Variants in SEMA3A observed in about 807,000 individuals in gnomAD.
The protein encoded by SEMA3A is semaphorin 3A, also known as semaphorin-3A.
In SEMA3A, 29 loss-of-function variants were observed where a neutral mutation model predicts 97.9. The ratio of observed to expected loss-of-function variants is 0.30; its 90% CI spans 0.22 to 0.40. The LOEUF (loss-of-function observed/expected upper bound fraction) is 0.40. SEMA3A is among the 10% of genes least tolerant of loss of function. The probability of loss-of-function intolerance (pLI) is 1.00; values close to 1 mark genes in which losing one functional copy is unlikely to be tolerated. For synonymous variants in SEMA3A, 321 were observed against 323.7 expected, an observed-to-expected ratio of 0.99 and a Z score of 0.09; for missense variants, 763 against 951.3, an observed-to-expected ratio of 0.80 and a Z score of 2.60.
intron 2 of SEMA3A, among the ~76,000 whole-genome samples, chr7:84,321,897 AAAG>A (rs1453146442): frequency 0.14 from 11,098 of 81,730 alleles, 1,354 homozygotes; most frequent in African/African-American, 0.21. Flanking sequence ...AAAAAAAAAA[AAAG>A]AAGAAGAAGA....
chr7:84,181,263 C>T (rs997248032), intron 1 of SEMA3A, among the ~76,000 whole-genome samples: 5 of 149,696 alleles, frequency 3.3e-5, no homozygotes, highest in African/African-American at 1.2e-4. Context: ...ATATCTATTT[C>T]CTTTTCAAGG....
At chr7:84,459,484 T>C (rs1805769127) in intron 1 of SEMA3A, among the ~76,000 whole-genome samples, 1 of 152,156 alleles carries the variant, frequency 6.6e-6, no homozygotes, top group Non-Finnish European at 1.5e-5. Flanking sequence ...TTGTAGCAGG[T>C]AAACAGTAAA....
chr7:83,985,168 A>T (rs1789574595), intron 13 of SEMA3A, among the ~76,000 whole-genome samples: 1 of 152,136 alleles, frequency 6.6e-6, no homozygotes, highest in South Asian at 2.1e-4. Flanking sequence ...AAATGACCAA[A>T]ATACACTGTA....
At chr7:84,467,189 A>G (rs748479202) in intron 1 of SEMA3A, among the ~76,000 whole-genome samples, 6 of 152,006 alleles carry the variant, frequency 3.9e-5, no homozygotes, top group Non-Finnish European at 7.4e-5. Flanking sequence ...AATTAAATAT[A>G]TTTTCCTAAG....
chr7:84,346,971 C>T (rs535136080), intron 2 of SEMA3A, among the ~76,000 whole-genome samples: 44 of 152,262 alleles, frequency 2.9e-4, no homozygotes, highest in African/African-American at 1.1e-3. Context: ...ACCATCATTA[C>T]TCATGAGAGA....
upstream of SEMA3A, among the ~76,000 whole-genome samples, chr7:84,196,772 A>C (rs1052921996): frequency 7.2e-5 from 11 of 152,132 alleles, no homozygotes; most frequent in African/African-American, 2.7e-4. Flanking sequence ...GGATTGGACT[A>C]ATGAATTATC....
intron 1 of SEMA3A, among the ~76,000 whole-genome samples, chr7:84,443,146 C>T (rs1005307528): frequency 1.3e-5 from 2 of 152,034 alleles, no homozygotes; most frequent in Non-Finnish European, 2.9e-5. Context: ...ACACGCTATT[C>T]AACACTATCC....
chr7:84,101,074 C>T (rs1296268142), intron 4 of SEMA3A, among the ~76,000 whole-genome samples: 1 of 152,140 alleles, frequency 6.6e-6, no homozygotes, highest in Non-Finnish European at 1.5e-5. Flanking sequence ...ACTGCTTCCC[C>T]ATGGAACCCT....
chr7:84,009,841 G>A (rs1168226273), intron 9 of SEMA3A, among the ~76,000 whole-genome samples: 3 of 138,270 alleles, frequency 2.2e-5, no homozygotes, highest in African/African-American at 8.1e-5. Context: ...CGTGGAGAAA[G>A]AGCAGGAAAA....
chr7:84,212,027 A>AAATATGG (rs1190241052), intron 3 of SEMA3A, among the ~76,000 whole-genome samples: 1 of 152,220 alleles, frequency 6.6e-6, no homozygotes, highest in Non-Finnish European at 1.5e-5. Context: ...ACAGTCAGCC[A>AAATATGG]AATATGGAAG....
intron 5 of SEMA3A, among the ~76,000 whole-genome samples, chr7:84,051,235 A>T (rs1487682431): frequency 1.3e-5 from 2 of 151,654 alleles, no homozygotes; most frequent in Non-Finnish European, 2.9e-5. Flanking sequence ...AGTTTTTTCC[A>T]ATTCTGTGAA....
intron 3 of SEMA3A, among the ~76,000 whole-genome samples, chr7:84,220,338 C>G (rs531190456): frequency 3.3e-5 from 5 of 152,124 alleles, no homozygotes; most frequent in Non-Finnish European, 5.9e-5. Context: ...CCACTGAAGT[C>G]TTAAAATCCT....
intron 3 of SEMA3A, among the ~76,000 whole-genome samples, chr7:84,285,833 G>A (rs940967132): frequency 3.3e-5 from 5 of 151,900 alleles, no homozygotes; most frequent in African/African-American, 1.2e-4. Context: ...CAGCTACTGG[G>A]GAGGCTGAGG....
At chr7:84,111,360 G>A (rs1278614132) in intron 3 of SEMA3A, among the ~76,000 whole-genome samples, 3 of 152,148 alleles carry the variant, frequency 2.0e-5, no homozygotes, top group African/African-American at 7.2e-5. Context: ...CTTTTCAAGT[G>A]AAAGCTCAGA....
chr7:84,034,963 ATTAAAT>A lies in SEMA3A; in HGVS notation c.667+11355_667+11360del, dbSNP rs1257953654. Among the ~76,000 whole-genome samples, 8 of 152,208 alleles carry A rather than the reference ATTAAAT, an allele frequency of 5.3e-5. No individual in the cohort carries two copies. In the East Asian group the frequency reaches 1.5e-3, roughly 29 times the overall value. On this transcript the variant is annotated intron_variant, in intron 6 of 16. Transcript: ENST00000265362. The stretch of plus-strand genomic sequence containing the variant: ...GAAACGGTTTCCACTATCTTTATAA[ATTAAAT>A]TTAAGTTAGGTTTACTTTCTAGTGG...
intron 12 of SEMA3A, among the ~76,000 whole-genome samples, chr7:83,992,852 A>G (rs1052749755): frequency 4.6e-5 from 7 of 152,056 alleles, no homozygotes; most frequent in Non-Finnish European, 1.0e-4. Context: ...TGCAGAGCTG[A>G]GTTCAATTCC....
intron 6 of SEMA3A, among the ~76,000 whole-genome samples, chr7:84,040,321 C>T (rs1470643557): frequency 6.6e-6 from 1 of 150,956 alleles, no homozygotes; most frequent in Non-Finnish European, 1.5e-5. Flanking sequence ...CCTTTAATTC[C>T]CCAGCCCCTG....
chr7:84,055,629 G>C (rs567781587), intron 5 of SEMA3A, among the ~76,000 whole-genome samples: 1 of 152,148 alleles, frequency 6.6e-6, no homozygotes, highest in East Asian at 1.9e-4. Flanking sequence ...AGATGAACCC[G>C]GTACCTCAGA....
chr7:84,063,431 C>T (rs532184471), intron 4 of SEMA3A, among the ~76,000 whole-genome samples: 145 of 151,350 alleles, frequency 9.6e-4, no homozygotes, highest in African/African-American at 3.3e-3. Flanking sequence ...ATGACTTTGA[C>T]GAGCTGAGAG....
Sources: allele counts gnomAD v4.1 joint callset (sites outside exome capture counted in the v4.1 genomes callset), GRCh38; gene constraint gnomAD v4.1.1; transcripts MANE v1.5; gene names NCBI Gene and HGNC (gene_info 2026-07-23, HGNC 2026-07-21).